Variants in IKBKG observed in about 807,000 individuals in gnomAD.
The protein encoded by IKBKG is inhibitor of nuclear factor kappa B kinase regulatory subunit gamma, also known as NF-kappa-B essential modulator.
In IKBKG, 2 loss-of-function variants were observed where a neutral mutation model predicts 13.7. That is an observed-to-expected ratio of 0.15 (90% CI 0.06 to 0.46). The LOEUF is 0.46. Ranked by LOEUF, IKBKG falls within the 20% of genes least tolerant of loss-of-function variation. IKBKG has a pLI of 0.98. For synonymous variants in IKBKG, 22 were observed against 64.4 expected, an observed-to-expected ratio of 0.34 and a Z score of 3.15; for missense variants, 53 against 150.3, an observed-to-expected ratio of 0.35 and a Z score of 3.39.
upstream of IKBKG, chrX:154,547,419 G>A: frequency 1.1e-5 from 8 of 755,157 alleles, no homozygotes; most frequent in Non-Finnish European, 1.3e-5. Context: ...AGACGAGGGG[G>A]CGTGTAGGCG....
chrX:154,542,552 G>A, upstream of IKBKG: 10 of 1,025,487 alleles, frequency 9.8e-6, no homozygotes, highest in Non-Finnish European at 1.3e-5. Flanking sequence ...CCCCCAGGAA[G>A]GAAGCTGGGT....
chrX:154,548,009 A>G lies in IKBKG; in HGVS notation c.-16+264A>G, dbSNP rs2070802759. ...GAGGACTCCTCTAGTTCAGAGACATATTCTGTTCACCAAACTTGACTGCGC... is the reference window on the plus strand; with the variant it reads ...GAGGACTCCTCTAGTTCAGAGACATGTTCTGTTCACCAAACTTGACTGCGC... On this transcript the variant is annotated intron_variant, in intron 1 of 9. Coordinates refer to ENST00000594239, the MANE Select transcript of IKBKG (RefSeq NM_001099857.5). 6.6e-6 allele frequency: 5 copies of G among 754,375 alleles called. No individual in the cohort carries two copies. In the South Asian group the frequency reaches 3.4e-4, roughly 51 times the overall value. 62.2% of individuals were successfully genotyped at this position (754,375 alleles called of 1,213,427 possible).
intron 1 of IKBKG, among the ~76,000 whole-genome samples, chrX:154,549,449 T>G (rs1169968885): frequency 2.7e-5 from 3 of 109,668 alleles, no homozygotes; most frequent in African/African-American, 1.0e-4. Flanking sequence ...TTTTTTTTTT[T>G]TTGTATTTTT....
intron 1 of IKBKG, chrX:154,548,129 C>T (rs782334783): frequency 2.7e-6 from 2 of 744,118 alleles, no homozygotes; most frequent in Admixed American, 8.6e-5. Flanking sequence ...TTTTGCAAGA[C>T]AACATCTGCC....
intron 1 of IKBKG, 53 bp from the exon 2 acceptor site, chrX:154,551,935 G>A: frequency 1.1e-6 from 1 of 922,132 alleles, no homozygotes; most frequent in South Asian, 4.2e-5. Flanking sequence ...GGCTTTTTCT[G>A]CTGGGTAAGG....
chrX:154,545,262 C>A (rs782672103), upstream of IKBKG, among the ~76,000 whole-genome samples: 3 of 111,348 alleles, frequency 2.7e-5, no homozygotes, highest in Non-Finnish European at 5.7e-5. Flanking sequence ...TGGGGTGAGG[C>A]AGAGCTCCTT....
upstream of IKBKG, chrX:154,547,152 G>A: frequency 5.9e-6 from 1 of 168,073 alleles, no homozygotes; most frequent in Non-Finnish European, 9.9e-6. Flanking sequence ...GCCCGGCCCC[G>A]CCCCTACTGT....
chrX:154,554,334 C>T (rs1267639144), intron 2 of IKBKG, among the ~76,000 whole-genome samples: 4 of 112,289 alleles, frequency 3.6e-5, no homozygotes, highest in African/African-American at 6.5e-5. Flanking sequence ...TATGGGGTCC[C>T]GGAACTGTTC....
upstream of IKBKG, chrX:154,547,206 G>A (rs185623633): frequency 2.3e-6 from 1 of 443,367 alleles, no homozygotes; most frequent in South Asian, 1.1e-4. Flanking sequence ...GCTCGCGGAG[G>A]GCTCCACTTC....
At position 154,552,057 on chromosome X, in the gene IKBKG, G is replaced by A. The variant is rs1557235178; in HGVS notation, c.55G>A (p.Gly19Ser). The A allele has an allele frequency of 8.6e-7, 1 of 1,165,314 alleles. No homozygotes were observed. The highest frequency in any genetic ancestry group is 1.2e-6 in the Non-Finnish European group (1 of 866,403). The change falls in exon 2 of 10, where the codon GGC becomes AGC. Residue 19 changes from glycine (G) to serine (S), a missense_variant. Gly to Ser is a moderately conservative substitution (Grantham distance 56, BLOSUM62 0). Around this residue, in one of 3 missense-constraint regions of IKBKG, gnomAD observed 47 missense variants for 50.0 expected, o/e 0.94. Transcript: ENST00000594239. The stretch of plus-strand genomic sequence containing the variant: ...GTGTGAGATGGTGCAGCCCAGTGGT[G>A]GCCCGGCAGCAGATCAGGACGTACT... ...QLCEMVQPSGGPAADQDVLGE... is the reference protein window; with the variant it reads ...QLCEMVQPSGSPAADQDVLGE...
chrX:154,546,736 C>G (rs2070731335), upstream of IKBKG: 22 of 988,793 alleles, frequency 2.2e-5, no homozygotes, highest in South Asian at 4.6e-4. Flanking sequence ...CCGCGCGGCG[C>G]AGCGCGGGAC....
chrX:154,541,611 T>C (rs190165081), intron 1 of IKBKG, among the ~76,000 whole-genome samples: 1 of 111,492 alleles, frequency 9.0e-6, no homozygotes, highest in Admixed American at 9.5e-5. Context: ...TCGTGCCATG[T>C]GGGTGGGGGC....
chrX:154,554,392 A>G (rs1700464794), intron 2 of IKBKG, among the ~76,000 whole-genome samples: 1 of 112,454 alleles, frequency 8.9e-6, no homozygotes, highest in Admixed American at 9.4e-5. Context: ...GATACACCGA[A>G]AACTGCTGAA....
chrX:154,543,836 G>A (rs1293610053), upstream of IKBKG, among the ~76,000 whole-genome samples: 1 of 108,937 alleles, frequency 9.2e-6, no homozygotes, highest in Non-Finnish European at 1.9e-5. Context: ...TGGGATTACA[G>A]ATGGGTGCCA....
upstream of IKBKG, among the ~76,000 whole-genome samples, chrX:154,544,241 A>G (rs1339384762): frequency 8.2e-5 from 9 of 109,349 alleles, no homozygotes; most frequent in Admixed American, 8.8e-4. Flanking sequence ...AGCTCACTGC[A>G]ACCTCTGACT....
At chrX:154,542,274 T>C (rs782400245) in intron 1 of IKBKG, 40 of 1,138,836 alleles carry the variant, frequency 3.5e-5, no homozygotes, top group Middle Eastern at 4.7e-4. Flanking sequence ...ATGGCCCTTG[T>C]GATCCAGGTG....
intron 2 of IKBKG, among the ~76,000 whole-genome samples, chrX:154,554,711 G>A (rs1249138315): frequency 5.4e-5 from 6 of 111,059 alleles, no homozygotes; most frequent in Admixed American, 9.6e-5. Context: ...AGCTGAGATC[G>A]CGCCACTGCA....
At chrX:154,553,516 C>T (rs192977734) in intron 2 of IKBKG, among the ~76,000 whole-genome samples, 60 of 112,585 alleles carry the variant, frequency 5.3e-4, no homozygotes, top group African/African-American at 1.8e-3. Flanking sequence ...AGCTTGCTGT[C>T]AGGGGGCTGC....
Position 154,547,758 on chromosome X carries a change from T to C in IKBKG, c.-16+13T>C. 1 of 754,715 alleles carries C rather than the reference T, an allele frequency of 1.3e-6. No individual in the cohort carries two copies. The highest frequency in any genetic ancestry group is 1.6e-6 in the Non-Finnish European group (1 of 639,401). The allele number at this position is 754,715 out of a possible 1,213,427, so 62.2% of individuals were successfully genotyped here. On this transcript the variant is annotated intron_variant, in intron 1 of 9. Coordinates refer to ENST00000594239, the MANE Select transcript of IKBKG (RefSeq NM_001099857.5). ...ACTCTGCTGACAGGTGTGGTCCTTT[T>C]CCCCAAAGACAGGGTTCCATCCGTG...
Sources: allele counts gnomAD v4.1 joint callset (sites outside exome capture counted in the v4.1 genomes callset), GRCh38; gene constraint gnomAD v4.1.1; regional missense constraint gnomAD v4.1.1; transcripts MANE v1.5; gene names NCBI Gene and HGNC (gene_info 2026-07-23, HGNC 2026-07-21).